Variants in CSNK1D observed in about 807,000 individuals in gnomAD.
CSNK1D encodes the protein casein kinase I isoform delta.
CSNK1D carries 16 observed loss-of-function variants against 46.6 expected under a neutral mutation model. That is an observed-to-expected ratio of 0.34 (90% CI 0.23 to 0.52). The LOEUF (loss-of-function observed/expected upper bound fraction) is 0.52. Ranked by LOEUF, CSNK1D falls within the 20% of genes least tolerant of loss-of-function variation. The pLI is 0.95. For missense variants in CSNK1D, 398 were observed against 578.4 expected, an observed-to-expected ratio of 0.69 and a Z score of 3.20; for synonymous variants, 276 against 228.2, an observed-to-expected ratio of 1.21 and a Z score of -1.89.
chr17:82,265,451 T>C lies in CSNK1D; in HGVS notation c.187+235A>G. ...ATCTTGGCCTCCCAAAGTGCTGGGA[T>C]TCCAGGCGTGAGCCACCATGCCCGG... On this transcript the variant is annotated intron_variant, in intron 2 of 8. Coordinates refer to ENST00000314028, the MANE Select transcript of CSNK1D (RefSeq NM_001893.6). 4 of 513,106 alleles carry C rather than the reference T, an allele frequency of 7.8e-6. No individual in the cohort carries two copies. The South Asian group carries it at 7.9e-5, about 10-fold the overall frequency. The allele number at this position is 513,106 out of a possible 1,614,324, so 31.8% of individuals were successfully genotyped here.
Position 82,249,019 on chromosome 17 carries a change from G to A in CSNK1D, c.1058-5C>T, listed in dbSNP as rs1201470503. ...CGGGCCGGGGGGAGGTGTTAGCTGAGGACAGGGAGAGAAACGGAGTGGGCC... is the reference window on the plus strand; with the variant it reads ...CGGGCCGGGGGGAGGTGTTAGCTGAAGACAGGGAGAGAAACGGAGTGGGCC... On this transcript the variant is annotated splice_polypyrimidine_tract_variant and splice_region_variant and intron_variant, in intron 7 of 8. Transcript: ENST00000314028. This position sits in a 1 kb window ranked among gnomAD's most constrained non-coding sequence, Gnocchi z 6.7. 8 of 1,555,694 alleles carry A rather than the reference G, an allele frequency of 5.1e-6. No individual in the cohort carries two copies. In the East Asian group the frequency reaches 1.7e-4, roughly 33 times the overall value.
rs577657008 is a variant in CSNK1D at position 82,272,361 on chromosome 17, T to C, written c.76+945A>G. ...CTCCGTCTCAGGAAAAAAAAAAAAA[T>C]TACAAACTTGAAGATTTAAGCCAAC... On this transcript the variant is annotated intron_variant, in intron 1 of 8. Transcript: ENST00000314028. 1.1e-4 allele frequency: 16 copies of C among 151,994 alleles called. No individual in the cohort carries two copies. The South Asian group carries it at 2.4e-3, about 23-fold the overall frequency. The allele number at this position is 151,994 out of a possible 1,614,324, so 9.4% of individuals were successfully genotyped here.
chr17:82,261,465 C>T (rs182158628), intron 2 of CSNK1D, among the ~76,000 whole-genome samples: 42 of 152,286 alleles, frequency 2.8e-4, no homozygotes, highest in Non-Finnish European at 5.7e-4. Flanking sequence ...CCACTCTCAT[C>T]TGTGAAAAGT....
chr17:82,271,588 A>C (rs970742457), intron 1 of CSNK1D, among the ~76,000 whole-genome samples: 1 of 152,230 alleles, frequency 6.6e-6, no homozygotes, highest in Non-Finnish European at 1.5e-5. Context: ...CAAATGTCTA[A>C]AGCCTGCTTA....
In CSNK1D at chr17:82,245,197, C is replaced by G. The variant is rs1251046749; in HGVS notation, c.1198-366G>C. 3 of 444,136 alleles carry G rather than the reference C, an allele frequency of 6.8e-6. No individual in the cohort carries two copies. In the Admixed American group the frequency reaches 1.0e-4, roughly 15 times the overall value. The allele number at this position is 444,136 out of a possible 1,614,324, so 27.5% of individuals were successfully genotyped here. A position where few individuals can be genotyped will look rare whatever the true frequency, so the allele number is the denominator to read the frequency against. ...GGAAGACATGAAAAGCAGTTCCTGT[C>G]AACACATTTCCAGAGTGTGCACAGT... On this transcript the variant is annotated intron_variant, in intron 8 of 8. Coordinates refer to ENST00000314028, the MANE Select transcript of CSNK1D (RefSeq NM_001893.6).
At position 82,270,344 on chromosome 17, in the gene CSNK1D, C is replaced by G. The variant is rs111932834; in HGVS notation, c.76+2962G>C. On this transcript the variant is annotated intron_variant, in intron 1 of 8. Coordinates refer to ENST00000314028, the MANE Select transcript of CSNK1D (RefSeq NM_001893.6). ...CTCCACTGAAGCACAGCCTTCCCCCCTTCCTGGTCTCAAACATCTGAAAGC... is the reference window on the plus strand; with the variant it reads ...CTCCACTGAAGCACAGCCTTCCCCCGTTCCTGGTCTCAAACATCTGAAAGC... Among the ~76,000 whole-genome samples the G allele has an allele frequency of 9.8e-4, 149 of 152,290 alleles. 1 individual carries two copies. Among genetic ancestry groups the G allele is most frequent in the African/African-American group, 3.3e-3 (138 of 41,548 alleles).
intron 8 of CSNK1D, 192 bp from the exon 9 acceptor site, chr17:82,245,023 G>A: frequency 1.4e-6 from 1 of 705,828 alleles, no homozygotes; most frequent in South Asian, 1.7e-5. Flanking sequence ...CGAGTGACAG[G>A]AAGACGGGAA....
intron 8 of CSNK1D, 74 bp from the exon 9 acceptor site, chr17:82,244,905 G>A (rs1367641774): frequency 6.2e-7 from 1 of 1,601,678 alleles, no homozygotes; most frequent in Non-Finnish European, 8.5e-7. Flanking sequence ...CACAGTGACG[G>A]TGCTGGGCAG....
Position 82,265,781 on chromosome 17 carries a change from G to A in CSNK1D, c.92C>T (p.Ala31Val). 1.2e-6 allele frequency: 2 copies of A among 1,614,012 alleles called. No individual in the cohort carries two copies. Among genetic ancestry groups the A allele is most frequent in the East Asian group, 2.2e-5 (1 of 44,882 alleles). ...GDIYLGTDIA[A>V]GEEVAIKLEC... ...AAGCTTGATGGCAACCTCTTCTCCT[G>A]CAGCAATGTCCGTACCTTGGCAAAG... is the stretch of plus-strand genomic sequence containing the variant. The change falls in exon 2 of 9, where the codon GCA becomes GTA. Residue 31 changes from alanine to valine, a missense_variant. Ala to Val is a moderately conservative substitution (Grantham distance 64). Transcript: ENST00000314028.
At position 82,249,549 on chromosome 17, in the gene CSNK1D, C is replaced by T. The variant is rs1206257310; in HGVS notation, c.939G>A (p.Glu313=). ...DAERERRDRE[E]RLRHSRNPAT... The stretch of plus-strand genomic sequence containing the variant: ...CCGGGTTCCGCGAGTGTCTCAGCCG[C>T]TCCTCTCGGTCCCTGCGCTCCCGCT... Residue 313 remains glutamate, a synonymous_variant, in exon 7 of 9, where the codon GAG becomes GAA. Coordinates refer to ENST00000314028, the MANE Select transcript of CSNK1D (RefSeq NM_001893.6). The surrounding 1 kb of genome is among the most constrained non-coding windows in gnomAD (Gnocchi z 6.7). 33 of 1,548,898 alleles carry T rather than the reference C, an allele frequency of 2.1e-5. No homozygotes were observed. Among genetic ancestry groups the T allele is most frequent in the Non-Finnish European group, 2.9e-5 (33 of 1,149,364 alleles).
intron 2 of CSNK1D, among the ~76,000 whole-genome samples, chr17:82,260,230 C>CCGAG (rs1325389436): frequency 5.5e-5 from 8 of 146,154 alleles, no homozygotes; most frequent in South Asian, 2.2e-4. Context: ...TGATGGTGTA[C>CCGAG]TGAGTGATGT....
In CSNK1D at chr17:82,250,177, A is replaced by G; in HGVS notation, c.886-575T>C. 1.6e-6 allele frequency: 2 copies of G among 1,289,944 alleles called. No homozygotes were observed. Among genetic ancestry groups the G allele is most frequent in the Non-Finnish European group, 2.0e-6 (2 of 988,950 alleles). The allele number at this position is 1,289,944 out of a possible 1,614,324, so 79.9% of individuals were successfully genotyped here. On this transcript the variant is annotated intron_variant, in intron 6 of 8. Transcript: ENST00000314028. This position sits in a 1 kb window ranked among gnomAD's most constrained non-coding sequence, Gnocchi z 4.6. Reference sequence around the variant, plus strand: ...AGGTCAGATTTTAAGCCGAGACAGCAACCTATGAAAAAGCAGATTCTAACT... The same window carrying G: ...AGGTCAGATTTTAAGCCGAGACAGCGACCTATGAAAAAGCAGATTCTAACT...
At chr17:82,259,020 G>A (rs1176313020) in intron 2 of CSNK1D, among the ~76,000 whole-genome samples, 1 of 152,246 alleles carries the variant, frequency 6.6e-6, no homozygotes, top group Non-Finnish European at 1.5e-5. Flanking sequence ...GGAAAGAGAA[G>A]TGGCTGGATG....
At chr17:82,239,260 A>T (rs1353570098), downstream of CSNK1D, 1 of 152,638 alleles carries the variant, frequency 6.6e-6, no homozygotes, top group African/African-American at 2.6e-5. Flanking sequence ...TGCTATGCTC[A>T]AGGACCTGGA....
chr17:82,251,661 T>C lies in CSNK1D; in HGVS notation c.737-134A>G, dbSNP rs1199163292. ...GACAGATGCAAAACACCTGTCAGAT[T>C]TCTAAGACCTGAAGCCTTGAGAAAG... On this transcript the variant is annotated intron_variant, in intron 5 of 8. Transcript: ENST00000314028. The surrounding 1 kb of genome is among the most constrained non-coding windows in gnomAD (Gnocchi z 4.5). 26 of 921,834 alleles carry C rather than the reference T, an allele frequency of 2.8e-5. No homozygotes were observed. The highest frequency in any genetic ancestry group is 3.5e-6 in the Non-Finnish European group (2 of 578,194). The allele number at this position is 921,834 out of a possible 1,614,324, so 57.1% of individuals were successfully genotyped here.
Position 82,244,553 on chromosome 17 carries a change from T to TA in CSNK1D, c.*227dup. ...TCTCTGCTTTTCTTCCCAGCCCCGT[T>TA]ACAACCGAGTTCACGTGGGGGGCCG... On this transcript the variant is annotated 3_prime_UTR_variant, in exon 9 of 9. Coordinates refer to ENST00000314028, the MANE Select transcript of CSNK1D (RefSeq NM_001893.6). 6.8e-7 allele frequency: 1 copy of TA among 1,475,598 alleles called. No individual in the cohort carries two copies. The highest frequency in any genetic ancestry group is 9.0e-7 in the Non-Finnish European group (1 of 1,114,028). The allele number at this position is 1,475,598 out of a possible 1,614,324, so 91.4% of individuals were successfully genotyped here. A position where few individuals can be genotyped will look rare whatever the true frequency, so the allele number is the denominator to read the frequency against.
Position 82,244,500 on chromosome 17 carries a change from A to G in CSNK1D, c.*281T>C. ...CCACTGGAGGGAGCTGAGGCCCTGG[A>G]AAAGGAGTCTGATTCTCTGCAATTC... On this transcript the variant is annotated 3_prime_UTR_variant, in exon 9 of 9. Coordinates refer to ENST00000314028, the MANE Select transcript of CSNK1D (RefSeq NM_001893.6). 7.1e-7 allele frequency: 1 copy of G among 1,406,700 alleles called. No homozygotes were observed. Among genetic ancestry groups the G allele is most frequent in the African/African-American group, 1.4e-5 (1 of 69,448 alleles). The allele number at this position is 1,406,700 out of a possible 1,614,324, so 87.1% of individuals were successfully genotyped here. A position where few individuals can be genotyped will look rare whatever the true frequency, so the allele number is the denominator to read the frequency against.
chr17:82,246,630 G>A (rs960777297), intron 8 of CSNK1D: 32 of 1,005,534 alleles, frequency 3.2e-5, no homozygotes, highest in African/African-American at 2.8e-4. Context: ...GGCGGAGTCC[G>A]GGCTGGGGCG....
In CSNK1D at chr17:82,243,345, C is replaced by A. The variant is rs142721405; in HGVS notation, c.*1436G>T. ...TGATGGGGTCCAGCCGAAGTGCCCA[C>A]GAACACAGACTGCCCTGCGCATTGG... On this transcript the variant is annotated 3_prime_UTR_variant, in exon 9 of 9. Coordinates refer to ENST00000314028, the MANE Select transcript of CSNK1D (RefSeq NM_001893.6). 516 of 985,546 alleles carry A rather than the reference C, an allele frequency of 5.2e-4. 4 individuals carry two copies. The African/African-American group carries it at 8.4e-3, about 16-fold the overall frequency. The allele number at this position is 985,546 out of a possible 1,614,324, so 61.1% of individuals were successfully genotyped here. A position where few individuals can be genotyped will look rare whatever the true frequency, so the allele number is the denominator to read the frequency against.
Sources: gnomAD v4.1 joint callset for allele counts (sites outside exome capture counted in the v4.1 genomes callset) on GRCh38, gnomAD v4.1.1 for gene constraint, Gnocchi (gnomAD v3.1) non-coding constraint, MANE v1.5 for transcripts, NCBI Gene and HGNC (gene_info 2026-07-23, HGNC 2026-07-21) for gene names.